PRKG1: variants seen among roughly 807,000 people sequenced by gnomAD.
PRKG1 encodes the protein cGMP-dependent protein kinase 1.
In PRKG1, 35 loss-of-function variants were observed where a neutral mutation model predicts 88.1. The observed-to-expected ratio is 0.40, with a 90% CI of 0.30 to 0.53. The LOEUF (loss-of-function observed/expected upper bound fraction) is 0.53. Ranked by LOEUF, PRKG1 falls within the 20% of genes least tolerant of loss-of-function variation. The pLI is 0.59. For synonymous variants in PRKG1, 303 were observed against 292.5 expected (o/e 1.04, Z -0.37); for missense variants, 540 against 839.8 (o/e 0.64, Z 4.41).
At chr10:51,513,583 C>A (rs1352036832) in intron 3 of PRKG1, among the ~76,000 whole-genome samples, 1 of 68,982 alleles carries the variant, frequency 1.4e-5, no homozygotes, top group Admixed American at 2.1e-4. Context: ...CAAAATTGAC[C>A]ACATACTTGG....
chr10:52,142,780 T>A (rs1263981105), intron 8 of PRKG1, among the ~76,000 whole-genome samples: 1 of 152,184 alleles, frequency 6.6e-6, no homozygotes. Context: ...ACAGCTTTGG[T>A]TCGCCTGTTG....
rs567689400 is a variant in PRKG1, at chr10:51,373,839, C to T, written c.479-93884C>T. Among the ~76,000 whole-genome samples, 43 of 151,630 alleles carry T rather than the reference C, an allele frequency of 2.8e-4. No individual in the cohort carries two copies. The South Asian group carries it at 7.5e-3, about 26-fold the overall frequency. ...TTTCTTTATCCATGCTGTCTCTTTT[C>T]GTTTTTTAAAAAATTATACTTTGGC... On this transcript the variant is annotated intron_variant, in intron 2 of 17. Transcript: ENST00000373980.
chr10:51,983,659 C>T (rs1475743477), intron 5 of PRKG1, among the ~76,000 whole-genome samples: 1 of 152,162 alleles, frequency 6.6e-6, no homozygotes, highest in Non-Finnish European at 1.5e-5. Flanking sequence ...CCTCTACAGA[C>T]ACTCCCACAC....
chr10:51,398,094 A>G (rs1007429821), intron 2 of PRKG1, among the ~76,000 whole-genome samples: 2 of 152,154 alleles, frequency 1.3e-5, no homozygotes, highest in African/African-American at 4.8e-5. Flanking sequence ...TTTAAGGTAA[A>G]ATATTCACCC....
intron 1 of PRKG1, among the ~76,000 whole-genome samples, chr10:51,111,276 A>T (rs1240366430): frequency 2.0e-4 from 30 of 152,086 alleles, no homozygotes; most frequent in Non-Finnish European, 2.6e-4. Flanking sequence ...TTATATTTTT[A>T]AATTTTTTGT....
At chr10:51,814,523 T>C (rs2132629640) in intron 4 of PRKG1, among the ~76,000 whole-genome samples, 1 of 152,288 alleles carries the variant, frequency 6.6e-6, no homozygotes, top group African/African-American at 2.4e-5. Context: ...TCTAGAAGTT[T>C]GTGAAACCTG....
At chr10:51,749,523 T>C (rs1464822538) in intron 3 of PRKG1, among the ~76,000 whole-genome samples, 1 of 152,160 alleles carries the variant, frequency 6.6e-6, no homozygotes, top group Admixed American at 6.5e-5. Context: ...CCCTCCATTA[T>C]GGCATTTAAC....
intron 1 of PRKG1, among the ~76,000 whole-genome samples, chr10:51,142,655 A>C (rs1845845730): frequency 6.6e-6 from 1 of 152,130 alleles, no homozygotes; most frequent in South Asian, 2.1e-4. Flanking sequence ...AATCTCTCAT[A>C]TGAACTTGGC....
intron 1 of PRKG1, among the ~76,000 whole-genome samples, chr10:51,029,175 A>T (rs541280087): frequency 9.8e-5 from 15 of 152,346 alleles, no homozygotes; most frequent in Non-Finnish European, 2.2e-4. Context: ...ATAGCTAGGA[A>T]AATGAAGACT....
chr10:52,074,441 A>T (rs1266323348), intron 7 of PRKG1, among the ~76,000 whole-genome samples: 1 of 152,190 alleles, frequency 6.6e-6, no homozygotes, highest in Non-Finnish European at 1.5e-5. Context: ...AGCTACTTAT[A>T]AAAACAATTC....
chr10:51,701,543 C>T (rs1197635102), intron 3 of PRKG1, among the ~76,000 whole-genome samples: 1 of 152,160 alleles, frequency 6.6e-6, no homozygotes, highest in African/African-American at 2.4e-5. Flanking sequence ...AGCAATGTTT[C>T]CCCAGTGTGA....
At chr10:51,984,728 T>A (rs934677788) in intron 5 of PRKG1, among the ~76,000 whole-genome samples, 1 of 152,204 alleles carries the variant, frequency 6.6e-6, no homozygotes, top group African/African-American at 2.4e-5. Context: ...TAAAAAATGA[T>A]TTCAGTCATG....
rs532634792 is a variant in PRKG1, at chr10:51,375,383, C to T, written c.479-92340C>T. 1.3e-4 allele frequency among the ~76,000 whole-genome samples: 20 copies of T among 151,562 alleles called. No individual in the cohort carries two copies. In the South Asian group the frequency reaches 4.0e-3, roughly 30 times the overall value. Reference sequence around the variant, plus strand: ...TTAGATGCTATGACAGAATGAGCATCCTTATCTGAAATGCTTGGGACCAGA... The same window carrying T: ...TTAGATGCTATGACAGAATGAGCATTCTTATCTGAAATGCTTGGGACCAGA... On this transcript the variant is annotated intron_variant, in intron 2 of 17. Transcript: ENST00000373980.
At chr10:51,989,018 A>G (rs1049752223) in intron 5 of PRKG1, among the ~76,000 whole-genome samples, 5 of 152,066 alleles carry the variant, frequency 3.3e-5, no homozygotes, top group African/African-American at 1.2e-4. Context: ...AAAACTTTTC[A>G]TATATACCTG....
chr10:51,641,677 G>A (rs1287959720), intron 3 of PRKG1, among the ~76,000 whole-genome samples: 2 of 151,928 alleles, frequency 1.3e-5, no homozygotes, highest in East Asian at 1.9e-4. Context: ...TGGCAAAACC[G>A]CGATGACTTT....
At chr10:52,215,387 T>A (rs901079611) in intron 9 of PRKG1, among the ~76,000 whole-genome samples, 2 of 127,176 alleles carry the variant, frequency 1.6e-5, no homozygotes, top group Non-Finnish European at 1.6e-5. Flanking sequence ...AGAGCAAAAC[T>A]CCATCTCAAA....
At chr10:51,935,939 C>T (rs1842791090) in intron 5 of PRKG1, among the ~76,000 whole-genome samples, 1 of 151,988 alleles carries the variant, frequency 6.6e-6, no homozygotes, top group South Asian at 2.1e-4. Flanking sequence ...CTGAAGACAG[C>T]CTTATGTGTT....
At chr10:51,042,245 G>T (rs183640788) in intron 1 of PRKG1, among the ~76,000 whole-genome samples, 1 of 152,156 alleles carries the variant, frequency 6.6e-6, no homozygotes, top group Admixed American at 6.5e-5. Context: ...CCTCTCTCTC[G>T]TAAGAAAATG....
At chr10:51,731,091 G>C (rs999244704) in intron 3 of PRKG1, among the ~76,000 whole-genome samples, 23 of 152,142 alleles carry the variant, frequency 1.5e-4, no homozygotes, top group African/African-American at 5.6e-4. Context: ...AGGAGACAGA[G>C]GTTGCAGTGA....
Sources: gnomAD v4.1 joint callset for allele counts (sites outside exome capture counted in the v4.1 genomes callset) on GRCh38, gnomAD v4.1.1 for gene constraint, MANE v1.5 for transcripts, NCBI Gene and HGNC (gene_info 2026-07-23, HGNC 2026-07-21) for gene names.